DGCR2: variants seen among roughly 807,000 people sequenced by gnomAD.
DGCR2 encodes DiGeorge syndrome critical region gene 2, also known as integral membrane protein DGCR2/IDD.
In DGCR2, 24 loss-of-function variants were observed where a neutral mutation model predicts 51.6. The observed-to-expected ratio is 0.47, with a 90% confidence interval of 0.34 to 0.65. The LOEUF (loss-of-function observed/expected upper bound fraction) is 0.65. Ranked by LOEUF, DGCR2 falls within the 30% of genes least tolerant of loss-of-function variation. The pLI is 0.01. For synonymous variants in DGCR2, 340 were observed against 315.4 expected, an observed-to-expected ratio of 1.08 and a Z score of -0.82; for missense variants, 765 against 772.1, an observed-to-expected ratio of 0.99 and a Z score of 0.11.
rs188639812 is a variant in DGCR2 at position 19,074,697 on chromosome 22, C to T, written c.203-6472G>A. Among the ~76,000 whole-genome samples, 360 of 152,286 alleles carry T rather than the reference C, an allele frequency of 2.4e-3. 1 individual carries two copies. Among genetic ancestry groups the T allele is most frequent in the African/African-American group, 8.2e-3 (340 of 41,544 alleles). On this transcript the variant is annotated intron_variant, in intron 2 of 9. Transcript: ENST00000263196. ...CTATTAAAAAAAAGACTTACAGAAT[C>T]ATTTGAATATTCAAATTGTATGCAT...
At chr22:19,071,508 A>G (rs2082814935) in intron 2 of DGCR2, among the ~76,000 whole-genome samples, 1 of 152,210 alleles carries the variant, frequency 6.6e-6, no homozygotes, top group Non-Finnish European at 1.5e-5. Context: ...ACCTGAAGCT[A>G]ATCCTGAAGA....
At chr22:19,061,016 C>A in intron 5 of DGCR2, 1 of 241,726 alleles carries the variant, frequency 4.1e-6, no homozygotes, top group Non-Finnish European at 8.8e-6. Flanking sequence ...AAACATTTTT[C>A]AACATCTTAA....
chr22:19,068,137 G>T lies in DGCR2; in HGVS notation c.291C>A (p.Phe97Leu), dbSNP rs377458739. 6 of 1,609,188 alleles carry T rather than the reference G, an allele frequency of 3.7e-6. No homozygotes were observed. Among genetic ancestry groups the T allele is most frequent in the South Asian group, 2.2e-5 (2 of 90,650 alleles). Reference protein sequence around the residue: ...GRARGGDPSHFHAVNVAQPVR... With the variant: ...GRARGGDPSHLHAVNVAQPVR... Reference sequence around the variant, plus strand: ...CGGGCTGCGCCACGTTCACCGCGTGGAAGTGCGAAGGGTCGCCTCCTCTGG... The same window carrying T: ...CGGGCTGCGCCACGTTCACCGCGTGTAAGTGCGAAGGGTCGCCTCCTCTGG... Residue 97 changes from phenylalanine (F) to leucine (L), a missense_variant, in exon 3 of 10, where the codon TTC becomes TTA. Phe to Leu is a conservative substitution (Grantham distance 22). Transcript: ENST00000263196.
chr22:19,086,009 G>A (rs2083010678), intron 2 of DGCR2, among the ~76,000 whole-genome samples: 1 of 151,880 alleles, frequency 6.6e-6, no homozygotes, highest in African/African-American at 2.4e-5. Context: ...GTGTCAATGA[G>A]GACTTGACTC....
At chr22:19,046,781 G>C (rs1219841706) in intron 7 of DGCR2, 1 of 439,330 alleles carries the variant, frequency 2.3e-6, no homozygotes, top group African/African-American at 2.0e-5. Context: ...GAGGGCTGCA[G>C]CTGCTCTGGG....
chr22:19,046,276 CTAT>C (rs1284400257), intron 7 of DGCR2: 4 of 152,058 alleles, frequency 2.6e-5, no homozygotes, highest in East Asian at 3.9e-4. Flanking sequence ...TTTTTTGGTG[CTAT>C]TATTAATGGC....
At chr22:19,116,041 C>T (rs535161223) in intron 1 of DGCR2, among the ~76,000 whole-genome samples, 3 of 152,374 alleles carry the variant, frequency 2.0e-5, no homozygotes, top group African/African-American at 7.2e-5. Context: ...CTATAAAGCT[C>T]TGTTACGATG....
Position 19,089,356 on chromosome 22 carries a change from C to T in DGCR2, c.202+12G>A. On this transcript the variant is annotated intron_variant, in intron 2 of 9. Coordinates refer to ENST00000263196, the MANE Select transcript of DGCR2 (RefSeq NM_005137.3). ...CAAGGTGGTGTGTACCCCGCCTACT[C>T]AACACACTCACCTGGACAGTTGGCT... is the stretch of plus-strand genomic sequence containing the variant. The T allele has an allele frequency of 6.3e-7, 1 of 1,589,196 alleles. No homozygotes were observed. The highest frequency in any genetic ancestry group is 1.1e-5 in the South Asian group (1 of 87,462).
At chr22:19,058,105 G>A (rs767287563) in intron 5 of DGCR2, among the ~76,000 whole-genome samples, 7 of 147,864 alleles carry the variant, frequency 4.7e-5, no homozygotes, top group African/African-American at 1.2e-4. Flanking sequence ...TCTCACCTGC[G>A]TCTTTTGGAG....
At chr22:19,045,698 T>C (rs1436790694) in intron 7 of DGCR2, among the ~76,000 whole-genome samples, 1 of 152,166 alleles carries the variant, frequency 6.6e-6, no homozygotes, top group Non-Finnish European at 1.5e-5. Context: ...GTACTACAAT[T>C]ACAGGCATGA....
chr22:19,056,888 C>A (rs2082609565), intron 6 of DGCR2, 98 bp downstream of exon 6: 2 of 1,364,500 alleles, frequency 1.5e-6, no homozygotes, highest in Non-Finnish European at 2.0e-6. Context: ...CGCAACACTG[C>A]AAATCAGGTT....
At chr22:19,065,870 A>C (rs553266568) in intron 3 of DGCR2, 2 of 152,404 alleles carry the variant, frequency 1.3e-5, no homozygotes, top group African/African-American at 4.8e-5. Context: ...TTGTAAAATT[A>C]AAAATGCCAT....
At chr22:19,083,076 G>A (rs1409561057) in intron 2 of DGCR2, among the ~76,000 whole-genome samples, 1 of 144,742 alleles carries the variant, frequency 6.9e-6, no homozygotes, top group Non-Finnish European at 1.5e-5. Context: ...GACAGAGCCA[G>A]ACCTTGTCTC....
rs778605056 is a variant in DGCR2, at chr22:19,057,196, A to T, written c.626-34T>A. 2 of 1,561,114 alleles carry T rather than the reference A, an allele frequency of 1.3e-6. No homozygotes were observed. The highest frequency in any genetic ancestry group is 1.7e-6 in the Non-Finnish European group (2 of 1,152,130). ...GAGACAAAAGGTGGGGCTGGACAAC[A>T]TCACATCAGAGGACAAGCTGTGCAG... is the stretch of plus-strand genomic sequence containing the variant. On this transcript the variant is annotated intron_variant, in intron 5 of 9. Transcript: ENST00000263196. This position sits in a 1 kb window ranked among gnomAD's most constrained non-coding sequence, Gnocchi z 5.1.
chr22:19,061,224 C>A, intron 5 of DGCR2: 1 of 172,090 alleles, frequency 5.8e-6, no homozygotes, highest in East Asian at 1.9e-4. Flanking sequence ...CTGGGGTGGG[C>A]TGGGCTGGGC....
intron 7 of DGCR2, among the ~76,000 whole-genome samples, chr22:19,045,972 C>G (rs1331902793): frequency 5.3e-5 from 8 of 152,196 alleles, no homozygotes; most frequent in Non-Finnish European, 1.2e-4. Context: ...AAGTGATCCA[C>G]CCTCCCCAGC....
At chr22:19,115,904 C>T (rs966276242) in intron 1 of DGCR2, among the ~76,000 whole-genome samples, 3 of 152,244 alleles carry the variant, frequency 2.0e-5, no homozygotes, top group African/African-American at 7.2e-5. Flanking sequence ...TCACATTTCA[C>T]ATTTCAGTTC....
intron 2 of DGCR2, among the ~76,000 whole-genome samples, chr22:19,086,873 TCAGAGCGTGGAAAGATGAA>T (rs1464287990): frequency 1.3e-5 from 2 of 152,216 alleles, no homozygotes; most frequent in African/African-American, 4.8e-5. Flanking sequence ...CAACAAGTCT[TCAGAGCGTGGAAAGATGAA>T]CAAGGTGGCA....
At chr22:19,062,511 C>T (rs2082675706) in intron 5 of DGCR2, among the ~76,000 whole-genome samples, 1 of 152,132 alleles carries the variant, frequency 6.6e-6, no homozygotes, top group Admixed American at 6.5e-5. Flanking sequence ...AACCCAAATC[C>T]TAGCTCAAGC....
Sources: gnomAD v4.1 joint callset for allele counts (sites outside exome capture counted in the v4.1 genomes callset) on GRCh38, gnomAD v4.1.1 for gene constraint, Gnocchi (gnomAD v3.1) non-coding constraint, MANE v1.5 for transcripts, NCBI Gene and HGNC (gene_info 2026-07-23, HGNC 2026-07-21) for gene names.